The following DROSHA variants were observed in gnomAD, a reference collection of about 807,000 sequenced individuals.
DROSHA encodes drosha ribonuclease III, also known as ribonuclease 3.
Under a neutral mutation model 181.9 loss-of-function variants are expected in DROSHA, and 56 were observed. That is an observed-to-expected ratio of 0.31 (90% confidence interval 0.25 to 0.38). DROSHA has a LOEUF of 0.38. Among genes scored for constraint, DROSHA ranks in the 10% least tolerant of loss-of-function variants. The probability of loss-of-function intolerance (pLI) is 1.00; values close to 1 mark genes in which losing one functional copy is unlikely to be tolerated. For synonymous variants in DROSHA, 524 were observed against 591.2 expected, an observed-to-expected ratio of 0.89 and a Z score of 1.65; for missense variants, 1,218 against 1,743.5, an observed-to-expected ratio of 0.70 and a Z score of 5.37.
intron 26 of DROSHA, 63 bp from the exon 27 acceptor site, chr5:31,429,608 T>A (rs1743907389): frequency 6.9e-7 from 1 of 1,452,294 alleles, no homozygotes; most frequent in Admixed American, 2.1e-5. Context: ...AAATGACATA[T>A]CTCTATAATA....
In DROSHA at chr5:31,510,524, A is replaced by G. The variant is rs557267466; in HGVS notation, c.1432+511T>C. Reference sequence around the variant, plus strand: ...TACAAAGTGATAAAAAGCAATTTCCATTCTCAAAGATCTCACAACCTACTT... The same window carrying G: ...TACAAAGTGATAAAAAGCAATTTCCGTTCTCAAAGATCTCACAACCTACTT... On this transcript the variant is annotated intron_variant, in intron 9 of 35. Transcript: ENST00000344624. 5.9e-5 allele frequency among the ~76,000 whole-genome samples: 9 copies of G among 152,366 alleles called. No individual in the cohort carries two copies. The South Asian group carries it at 1.7e-3, about 28-fold the overall frequency.
At chr5:31,445,477 GA>G (rs1222769510) in intron 23 of DROSHA, among the ~76,000 whole-genome samples, 1 of 152,162 alleles carries the variant, frequency 6.6e-6, no homozygotes, top group East Asian at 1.9e-4. Flanking sequence ...CCATTATAAT[GA>G]AACTAGACAA....
At position 31,526,171 on chromosome 5, in the gene DROSHA, G is replaced by A; in HGVS notation, c.762C>T (p.Arg254=). The A allele has an allele frequency of 6.2e-7, 1 of 1,613,844 alleles. No homozygotes were observed. Among genetic ancestry groups the A allele is most frequent in the Non-Finnish European group, 8.5e-7 (1 of 1,179,838 alleles). ...TGTCTTGTCTTCTCCTGTCGGGACTGCGGCCTCGCTCCCGCCGATCCAGGG... is the reference window on the plus strand; with the variant it reads ...TGTCTTGTCTTCTCCTGTCGGGACTACGGCCTCGCTCCCGCCGATCCAGGG... ...HRSLDRRERG[R]SPDRRRQDSR... is the part of the protein sequence containing the mutation. The change falls in exon 5 of 36, where the codon CGC becomes CGT. Residue 254 remains arginine, a synonymous_variant. Coordinates refer to ENST00000344624, the MANE Select transcript of DROSHA (RefSeq NM_001382508.1).
intron 35 of DROSHA, among the ~76,000 whole-genome samples, chr5:31,405,293 T>C (rs1435946613): frequency 6.6e-6 from 1 of 150,942 alleles, no homozygotes; most frequent in African/African-American, 2.4e-5. Flanking sequence ...ACCTGACACC[T>C]GGACCGGGGA....
chr5:31,413,117 G>A (rs1401519342), intron 30 of DROSHA, among the ~76,000 whole-genome samples: 1 of 152,122 alleles, frequency 6.6e-6, no homozygotes, highest in African/African-American at 2.4e-5. Context: ...CCAGTGTCAG[G>A]GCCCCTCACT....
At chr5:31,489,536 C>A (rs563984773) in intron 13 of DROSHA, among the ~76,000 whole-genome samples, 2 of 152,166 alleles carry the variant, frequency 1.3e-5, no homozygotes, top group Admixed American at 6.5e-5. Flanking sequence ...AATGGTCAAC[C>A]AAGAAACTGT....
chr5:31,465,675 G>A (rs1164414218), intron 19 of DROSHA, among the ~76,000 whole-genome samples: 1 of 152,104 alleles, frequency 6.6e-6, no homozygotes, highest in Non-Finnish European at 1.5e-5. Context: ...TGCGTCATGG[G>A]TGGATCCCTC....
At chr5:31,509,067 C>A (rs1400669072) in intron 9 of DROSHA, among the ~76,000 whole-genome samples, 1 of 152,078 alleles carries the variant, frequency 6.6e-6, no homozygotes, top group African/African-American at 2.4e-5. Context: ...AGGTGAAACA[C>A]CCGTCTCGGC....
intron 21 of DROSHA, among the ~76,000 whole-genome samples, chr5:31,450,193 G>A (rs557985152): frequency 5.5e-4 from 83 of 152,280 alleles, no homozygotes; most frequent in Non-Finnish European, 1.0e-3. Flanking sequence ...GTGATGCAGT[G>A]AAAAGGGAAG....
At position 31,470,898 on chromosome 5, in the gene DROSHA, C is replaced by T. The variant is rs577000394; in HGVS notation, c.2241+1165G>A. On this transcript the variant is annotated intron_variant, in intron 17 of 35. Transcript: ENST00000344624. This position sits in a 1 kb window ranked among gnomAD's most constrained non-coding sequence, Gnocchi z 4.0. ...TCCTCTGACTCAGCATGAAAAGTGA[C>T]AGAGGGAATATCAATATATGCAACT... Among the ~76,000 whole-genome samples, 90 of 152,240 alleles carry T rather than the reference C, an allele frequency of 5.9e-4. No individual in the cohort carries two copies. Among genetic ancestry groups the T allele is most frequent in the African/African-American group, 2.1e-3 (87 of 41,546 alleles).
At chr5:31,448,803 C>G (rs755852533) in intron 22 of DROSHA, among the ~76,000 whole-genome samples, 196 bp from the exon 23 acceptor site, 3 of 151,960 alleles carry the variant, frequency 2.0e-5, no homozygotes, top group African/African-American at 4.8e-5. Context: ...ACTCATCAAC[C>G]CTTATTATAG....
chr5:31,474,777 A>T (rs1034924081), intron 16 of DROSHA, among the ~76,000 whole-genome samples: 1 of 152,198 alleles, frequency 6.6e-6, no homozygotes, highest in African/African-American at 2.4e-5. Flanking sequence ...TACAAGAAAC[A>T]TGAAAGAGCT....
At chr5:31,458,584 C>A (rs2150020759) in intron 20 of DROSHA, among the ~76,000 whole-genome samples, 2 of 152,262 alleles carry the variant, frequency 1.3e-5, no homozygotes, top group South Asian at 4.1e-4. Context: ...TCCTCACCAC[C>A]AGCTATGAAA....
At position 31,401,537 on chromosome 5, in the gene DROSHA, C is replaced by T. The variant is rs776163687; in HGVS notation, c.4020G>A (p.Gln1340=). 41 of 1,591,918 alleles carry T rather than the reference C, an allele frequency of 2.6e-5. No homozygotes were observed. The Middle Eastern group carries it at 6.6e-4, about 26-fold the overall frequency. ...TGTACTTCCGTTCGATGAACCGCTT[C>T]TGATGGGCCATCTGGGGAAAATTAT... ...EKYNFPQMAH[Q]KRFIERKYRQ... Residue 1340 remains glutamine, a synonymous_variant, in exon 36 of 36, where the codon CAG becomes CAA. Coordinates refer to ENST00000344624, the MANE Select transcript of DROSHA (RefSeq NM_001382508.1).
intron 27 of DROSHA, among the ~76,000 whole-genome samples, chr5:31,428,481 G>T (rs1218174113): frequency 6.6e-6 from 1 of 152,156 alleles, no homozygotes; most frequent in East Asian, 1.9e-4. Flanking sequence ...GTTTATATGT[G>T]CAGGACAAAA....
At chr5:31,464,961 C>T (rs1748837924) in intron 19 of DROSHA, among the ~76,000 whole-genome samples, 1 of 151,972 alleles carries the variant, frequency 6.6e-6, no homozygotes, top group South Asian at 2.1e-4. Flanking sequence ...TAACAGGAAC[C>T]ACCCCCACCC....
At chr5:31,508,982 C>T (rs1738348436) in intron 9 of DROSHA, among the ~76,000 whole-genome samples, 1 of 152,052 alleles carries the variant, frequency 6.6e-6, no homozygotes, top group African/African-American at 2.4e-5. Flanking sequence ...GCCACCACAC[C>T]CAGCTATTTT....
intron 13 of DROSHA, among the ~76,000 whole-genome samples, chr5:31,490,486 T>G (rs77904217): frequency 0.012 from 1,773 of 152,302 alleles, 33 homozygotes; most frequent in African/African-American, 0.032. Context: ...CACATATCTT[T>G]AAAACTTCAG....
intron 13 of DROSHA, among the ~76,000 whole-genome samples, chr5:31,488,612 T>C (rs1310889145): frequency 2.0e-5 from 3 of 152,134 alleles, no homozygotes; most frequent in African/African-American, 7.2e-5. Context: ...TGAACTCTAT[T>C]ATGTAGCCCT....
Sources: allele counts gnomAD v4.1 joint callset (sites outside exome capture counted in the v4.1 genomes callset), GRCh38; gene constraint gnomAD v4.1.1; non-coding constraint Gnocchi (gnomAD v3.1); transcripts MANE v1.5; gene names NCBI Gene and HGNC (gene_info 2026-07-23, HGNC 2026-07-21).